The following HSDL2 variants were observed in gnomAD, a reference collection of about 807,000 sequenced individuals.
HSDL2 encodes the protein hydroxysteroid dehydrogenase like 2.
A neutral mutation model predicts 46.3 loss-of-function variants in HSDL2; 27 were observed. The observed-to-expected ratio is 0.58, with a 90% confidence interval of 0.43 to 0.80. The LOEUF (loss-of-function observed/expected upper bound fraction) is 0.80. Ranked by LOEUF, HSDL2 falls within the 30% of genes least tolerant of loss-of-function variation. The pLI is 0.00. For synonymous variants in HSDL2, 153 were observed against 163.6 expected, an observed-to-expected ratio of 0.94 and a Z score of 0.50; for missense variants, 451 against 502.7, an observed-to-expected ratio of 0.90 and a Z score of 0.98.
chr9:112,434,163 A>G (rs571789060), intron 6 of HSDL2: 1 of 152,284 alleles, frequency 6.6e-6, no homozygotes, highest in East Asian at 1.9e-4. Flanking sequence ...GCTATTCACA[A>G]TGCCTACTCT....
chr9:112,441,679 G>C lies in HSDL2; in HGVS notation c.794-20G>C. On this transcript the variant is annotated intron_variant, in intron 7 of 10. Transcript: ENST00000398805. ...ATGTTGTAGTTACATTAACCTAATGGTTTGGGGTCAATTTTTCAGGTCATC... is the reference window on the plus strand; with the variant it reads ...ATGTTGTAGTTACATTAACCTAATGCTTTGGGGTCAATTTTTCAGGTCATC... The C allele has an allele frequency of 6.3e-7, 1 of 1,575,456 alleles. No homozygotes were observed. Among genetic ancestry groups the C allele is most frequent in the Non-Finnish European group, 8.7e-7 (1 of 1,145,282 alleles).
intron 10 of HSDL2, among the ~76,000 whole-genome samples, chr9:112,467,854 C>G (rs1033326375): frequency 6.6e-6 from 1 of 152,196 alleles, no homozygotes; most frequent in East Asian, 1.9e-4. Context: ...ATTAAGCCTG[C>G]TACACAGCTG....
intron 6 of HSDL2, among the ~76,000 whole-genome samples, chr9:112,421,727 T>C (rs933766378): frequency 6.6e-6 from 1 of 152,212 alleles, no homozygotes; most frequent in African/African-American, 2.4e-5. Flanking sequence ...ACATTTCTAC[T>C]GATGGCAAAT....
intron 8 of HSDL2, among the ~76,000 whole-genome samples, chr9:112,449,586 G>A (rs1448007827): frequency 6.6e-6 from 1 of 151,750 alleles, no homozygotes; most frequent in Non-Finnish European, 1.5e-5. Context: ...ATTTTAGGCC[G>A]GGTGCGGTGG....
rs944086505 is a variant in HSDL2 at position 112,471,956 on chromosome 9, A to G, written c.*1412A>G. On this transcript the variant is annotated 3_prime_UTR_variant, in exon 11 of 11. Transcript: ENST00000398805. ...ATCTGTATTTTACAAGTTAGGAAGCAGAGGATCAGAGATGGGAAAGGACTA... is the reference window on the plus strand; with the variant it reads ...ATCTGTATTTTACAAGTTAGGAAGCGGAGGATCAGAGATGGGAAAGGACTA... 2.0e-5 allele frequency: 3 copies of G among 152,258 alleles called. No individual in the cohort carries two copies. Among genetic ancestry groups the G allele is most frequent in the African/African-American group, 4.8e-5 (2 of 41,468 alleles). 9.4% of individuals were successfully genotyped at this position (152,258 alleles called of 1,614,324 possible).
At chr9:112,414,971 T>C (rs1430487390) in intron 4 of HSDL2, among the ~76,000 whole-genome samples, 1 of 150,548 alleles carries the variant, frequency 6.6e-6, no homozygotes, top group Non-Finnish European at 1.5e-5. Flanking sequence ...AAAAAAAGAA[T>C]GGACAAGTTC....
intron 6 of HSDL2, among the ~76,000 whole-genome samples, chr9:112,430,105 A>G (rs1832353043): frequency 6.6e-6 from 1 of 151,958 alleles, no homozygotes; most frequent in Admixed American, 6.6e-5. Flanking sequence ...AAGAAAGAAA[A>G]GAGATGTTTG....
At chr9:112,448,668 C>T (rs1241387315) in intron 8 of HSDL2, among the ~76,000 whole-genome samples, 4 of 152,102 alleles carry the variant, frequency 2.6e-5, no homozygotes, top group Admixed American at 2.6e-4. Context: ...TCTCCTGCCT[C>T]AGCCTCCTGA....
chr9:112,430,591 C>T (rs543953671), intron 6 of HSDL2, among the ~76,000 whole-genome samples: 1 of 152,224 alleles, frequency 6.6e-6, no homozygotes, highest in South Asian at 2.1e-4. Flanking sequence ...AGTTAGGAGG[C>T]TATTGCAGGA....
At chr9:112,408,220 T>G (rs1831774384) in intron 3 of HSDL2, among the ~76,000 whole-genome samples, 2 of 152,086 alleles carry the variant, frequency 1.3e-5, no homozygotes, top group African/African-American at 4.8e-5. Flanking sequence ...AACTTCATGC[T>G]AGAGAGGAAG....
chr9:112,444,574 C>T lies in HSDL2; in HGVS notation c.865+2804C>T, dbSNP rs574176658. Among the ~76,000 whole-genome samples, 245 of 151,884 alleles carry T rather than the reference C, an allele frequency of 1.6e-3. 1 individual carries two copies. Among genetic ancestry groups the T allele is most frequent in the African/African-American group, 5.8e-3 (240 of 41,412 alleles). On this transcript the variant is annotated intron_variant, in intron 8 of 10. Coordinates refer to ENST00000398805, the MANE Select transcript of HSDL2 (RefSeq NM_032303.5). ...GCAACATGGCAAAACTTTGTCTCTACAAAAAGTACAAAAATTAGCTGGGTG... is the reference window on the plus strand; with the variant it reads ...GCAACATGGCAAAACTTTGTCTCTATAAAAAGTACAAAAATTAGCTGGGTG...
chr9:112,451,745 CA>C (rs1322330812), intron 8 of HSDL2, among the ~76,000 whole-genome samples: 3 of 149,706 alleles, frequency 2.0e-5, no homozygotes, highest in African/African-American at 7.3e-5. Flanking sequence ...CCTCCTCTTG[CA>C]TTTTTTTTTT....
chr9:112,416,816 G>T, intron 4 of HSDL2, 25 bp from the exon 5 acceptor site: 1 of 1,105,602 alleles, frequency 9.0e-7, no homozygotes, highest in Non-Finnish European at 1.4e-6. Flanking sequence ...TATTAAATTT[G>T]GCTTGTATTT....
At chr9:112,432,149 T>A (rs1007276205) in intron 6 of HSDL2, among the ~76,000 whole-genome samples, 2 of 152,176 alleles carry the variant, frequency 1.3e-5, no homozygotes, top group Non-Finnish European at 2.9e-5. Context: ...CCCAAAGTGC[T>A]GGGATTACAG....
intron 8 of HSDL2, among the ~76,000 whole-genome samples, chr9:112,449,443 T>A (rs1361657269): frequency 6.6e-6 from 1 of 152,162 alleles, no homozygotes; most frequent in African/African-American, 2.4e-5. Context: ...GCTGATTTTG[T>A]GTTATCTTAT....
chr9:112,466,064 ATTATT>A (rs1328025953), intron 10 of HSDL2, among the ~76,000 whole-genome samples: 9 of 152,086 alleles, frequency 5.9e-5, no homozygotes, highest in South Asian at 2.1e-4. Flanking sequence ...CTTTTTTGTT[ATTATT>A]TTGTTTTTTC....
chr9:112,387,880 CA>C (rs1279301866), intron 1 of HSDL2, among the ~76,000 whole-genome samples: 1 of 152,080 alleles, frequency 6.6e-6, no homozygotes, highest in Non-Finnish European at 1.5e-5. Context: ...AGCATTCAGC[CA>C]GGGGTGGTGG....
chr9:112,406,185 A>T (rs1298967562), intron 3 of HSDL2, among the ~76,000 whole-genome samples: 1 of 151,694 alleles, frequency 6.6e-6, no homozygotes, highest in African/African-American at 2.4e-5. Flanking sequence ...AAAAAAGAAA[A>T]AGAGTGTGGA....
intron 1 of HSDL2, among the ~76,000 whole-genome samples, chr9:112,387,109 TTTTC>T (rs1315569885): frequency 6.6e-6 from 1 of 152,220 alleles, no homozygotes; most frequent in African/African-American, 2.4e-5. Context: ...TTATTGTTAA[TTTTC>T]TTGGGTATAA....
Sources: allele counts gnomAD v4.1 joint callset (sites outside exome capture counted in the v4.1 genomes callset), GRCh38; gene constraint gnomAD v4.1.1; transcripts MANE v1.5; gene names NCBI Gene and HGNC (gene_info 2026-07-23, HGNC 2026-07-21).